The following CAPS2 variants were observed in gnomAD, a reference collection of about 807,000 sequenced individuals.
CAPS2 encodes calcyphosin-2.
Under a neutral mutation model 86.5 loss-of-function variants are expected in CAPS2, and 98 were observed. That is an observed-to-expected ratio of 1.13 (90% CI 0.96 to 1.34). CAPS2 has a LOEUF of 1.34. CAPS2 is among the 40% of genes most tolerant of loss of function. CAPS2 has a pLI of 0.00. For synonymous variants in CAPS2, 210 were observed against 225.1 expected (o/e 0.93, Z 0.60); for missense variants, 729 against 686.8 (o/e 1.06, Z -0.69).
At chr12:75,368,111 T>C (rs1192517948) in intron 1 of CAPS2, among the ~76,000 whole-genome samples, 1 of 152,092 alleles carries the variant, frequency 6.6e-6, no homozygotes, top group Non-Finnish European at 1.5e-5. Context: ...ATAACACAGC[T>C]ACACTGTAAA....
chr12:75,364,608 A>G (rs1307859614), intron 1 of CAPS2, among the ~76,000 whole-genome samples: 1 of 152,232 alleles, frequency 6.6e-6, no homozygotes, highest in Non-Finnish European at 1.5e-5. Context: ...AAACAAAAAC[A>G]CAAAGGTGAA....
intron 1 of CAPS2, among the ~76,000 whole-genome samples, chr12:75,354,175 G>GA (rs1356722902): frequency 1.4e-5 from 2 of 139,086 alleles, no homozygotes; most frequent in Non-Finnish European, 3.1e-5. Flanking sequence ...AAGGGGGGGG[G>GA]GTATTCAAAT....
At chr12:75,326,316 C>T (rs1337970286) in intron 1 of CAPS2, 102 bp downstream of exon 2, 2 of 475,382 alleles carry the variant, frequency 4.2e-6, no homozygotes, top group Non-Finnish European at 7.6e-6. Context: ...AATGTTGATC[C>T]TAAATATCTG....
intron 1 of CAPS2, among the ~76,000 whole-genome samples, chr12:75,359,093 A>G (rs1488251510): frequency 6.6e-6 from 1 of 150,544 alleles, no homozygotes; most frequent in Non-Finnish European, 1.5e-5. Context: ...TCTAAAACAA[A>G]TAAGTTTAGC....
intron 15 of CAPS2, among the ~76,000 whole-genome samples, chr12:75,283,350 A>C (rs2034312995): frequency 6.6e-6 from 1 of 152,218 alleles, no homozygotes; most frequent in East Asian, 1.9e-4. Context: ...AGAAATATGG[A>C]AGCTGTTGTA....
chr12:75,383,176 T>C (rs1247572351), intron 1 of CAPS2, among the ~76,000 whole-genome samples: 6 of 152,202 alleles, frequency 3.9e-5, no homozygotes, highest in Non-Finnish European at 7.4e-5. Flanking sequence ...ATATAATGCA[T>C]TAAAATTTTT....
At chr12:75,376,800 C>T (rs969438324) in intron 1 of CAPS2, among the ~76,000 whole-genome samples, 3 of 152,102 alleles carry the variant, frequency 2.0e-5, no homozygotes, top group African/African-American at 4.8e-5. Context: ...GTCAGCCACT[C>T]GCATGATAAG....
intron 7 of CAPS2, chr12:75,305,402 C>CA: frequency 2.4e-6 from 1 of 415,728 alleles, no homozygotes; most frequent in Non-Finnish European, 4.5e-6. Flanking sequence ...AGGGCAGACT[C>CA]AAAGTGCTCC....
intron 13 of CAPS2, among the ~76,000 whole-genome samples, 178 bp downstream of exon 13, chr12:75,291,566 A>AATAT (rs1565793383): frequency 2.9e-4 from 12 of 41,816 alleles, no homozygotes; most frequent in Non-Finnish European, 3.7e-4. Context: ...TATTTTTAAA[A>AATAT]GTATATATAT....
At chr12:75,377,248 C>A (rs2044698413) in intron 1 of CAPS2, among the ~76,000 whole-genome samples, 3 of 152,178 alleles carry the variant, frequency 2.0e-5, no homozygotes, top group Admixed American at 2.0e-4. Flanking sequence ...CCTTTAAATT[C>A]TGTTCCTCTA....
At chr12:75,306,377 C>A in intron 7 of CAPS2, 1 of 354,296 alleles carries the variant, frequency 2.8e-6, no homozygotes, top group Non-Finnish European at 5.4e-6. Context: ...GTCTGGAGGC[C>A]GGTGAATGGT....
rs370336718 is a variant in CAPS2, at chr12:75,280,638, G to A, written c.1613-1573C>T. ...CTAATTAAGAGAAACAGATAATGAC[G>A]TGTTTAAAGGAAAAAAATACACTAG... On this transcript the variant is annotated intron_variant, in intron 16 of 16. Transcript: ENST00000393284. Among the ~76,000 whole-genome samples, 27 of 151,780 alleles carry A rather than the reference G, an allele frequency of 1.8e-4. No individual in the cohort carries two copies. In the East Asian group the frequency reaches 4.8e-3, roughly 27 times the overall value.
intron 7 of CAPS2, chr12:75,305,831 A>G: frequency 1.3e-6 from 1 of 747,472 alleles, no homozygotes; most frequent in Non-Finnish European, 2.5e-6. Flanking sequence ...ATTCAGGCTC[A>G]CCAGCCTCAT....
At chr12:75,360,850 T>A (rs1330412240) in intron 1 of CAPS2, 1 of 152,226 alleles carries the variant, frequency 6.6e-6, no homozygotes, top group Non-Finnish European at 1.5e-5. Flanking sequence ...TCTGCCTAGA[T>A]ATCCAGGCAT....
intron 14 of CAPS2, among the ~76,000 whole-genome samples, chr12:75,289,218 G>A (rs958672101): frequency 1.3e-5 from 2 of 151,994 alleles, no homozygotes; most frequent in African/African-American, 2.4e-5. Flanking sequence ...TCAAAACTCA[G>A]CTTAGATGTA....
intron 1 of CAPS2, among the ~76,000 whole-genome samples, chr12:75,361,460 A>G (rs899795682): frequency 3.3e-5 from 5 of 152,198 alleles, no homozygotes; most frequent in Admixed American, 3.3e-4. Context: ...CTGCCTAGGC[A>G]TCTGGCTGCC....
chr12:75,371,383 G>A (rs2044348069), intron 1 of CAPS2: 2 of 224,964 alleles, frequency 8.9e-6, no homozygotes, highest in Non-Finnish European at 1.9e-5. Flanking sequence ...CAGCCGATTG[G>A]ATGTTGCCCA....
intron 1 of CAPS2, among the ~76,000 whole-genome samples, chr12:75,377,510 C>A (rs2044712193): frequency 6.6e-6 from 1 of 152,244 alleles, no homozygotes; most frequent in Admixed American, 6.5e-5. Context: ...GGCCCGAGAG[C>A]CCCTGGTAAA....
At chr12:75,390,632 G>GA (rs147896725) in intron 1 of CAPS2, among the ~76,000 whole-genome samples, 14 of 152,172 alleles carry the variant, frequency 9.2e-5, no homozygotes, top group African/African-American at 3.1e-4. Flanking sequence ...AGGTAATGGG[G>GA]AAAAAAAATT....
Sources: gnomAD v4.1 joint callset for allele counts (sites outside exome capture counted in the v4.1 genomes callset) on GRCh38, gnomAD v4.1.1 for gene constraint, MANE v1.5 for transcripts, NCBI Gene and HGNC (gene_info 2026-07-23, HGNC 2026-07-21) for gene names.